The following HMGXB3 variants were observed in gnomAD, a reference collection of about 807,000 sequenced individuals.
The protein encoded by HMGXB3 is HMG-box containing 3.
HMGXB3 carries 45 observed loss-of-function variants against 121.5 expected under a neutral mutation model. The observed-to-expected ratio is 0.37, with a 90% confidence interval of 0.29 to 0.47. The LOEUF (loss-of-function observed/expected upper bound fraction) is 0.47, where lower values mean the gene tolerates loss of function less well. HMGXB3 is among the 20% of genes least tolerant of loss of function. The pLI is 0.99. For missense variants in HMGXB3, 1,376 were observed against 1,602.2 expected, an observed-to-expected ratio of 0.86 and a Z score of 2.41; for synonymous variants, 590 against 624.1, an observed-to-expected ratio of 0.95 and a Z score of 0.81.
chr5:150,035,324 C>A (rs1332470732), intron 11 of HMGXB3, among the ~76,000 whole-genome samples: 1 of 152,100 alleles, frequency 6.6e-6, no homozygotes, highest in African/African-American at 2.4e-5. Context: ...GCATAGAGAT[C>A]ACATACAGAA....
At chr5:150,015,579 G>A (rs756156210) in intron 5 of HMGXB3, among the ~76,000 whole-genome samples, 16 of 152,146 alleles carry the variant, frequency 1.1e-4, no homozygotes, top group Admixed American at 3.3e-4. Flanking sequence ...GTGAGCCACC[G>A]TGCCCAGCTC....
intron 5 of HMGXB3, among the ~76,000 whole-genome samples, chr5:150,017,923 A>G (rs1446621893): frequency 6.6e-6 from 1 of 152,232 alleles, no homozygotes; most frequent in Non-Finnish European, 1.5e-5. Context: ...CAGTGGCTAT[A>G]TATATTAATA....
At position 150,004,912 on chromosome 5, in the gene HMGXB3, C is replaced by T; in HGVS notation, c.60C>T (p.Ala20=). The T allele has an allele frequency of 6.4e-7, 1 of 1,551,674 alleles. No individual in the cohort carries two copies. The highest frequency in any genetic ancestry group is 1.4e-5 in the African/African-American group (1 of 73,130). Residue 20 remains alanine, a synonymous_variant, in exon 2 of 20, where the codon GCC becomes GCT. Transcript: ENST00000502717. Reference sequence around the variant, plus strand: ...TCGTGATGGAGGAAATTGAGGAAGCCTATTGTTACACCTCTCCTGGGCCAC... The same window carrying T: ...TCGTGATGGAGGAAATTGAGGAAGCTTATTGTTACACCTCTCCTGGGCCAC... ...VTVVMEEIEE[A]YCYTSPGPPK...
chr5:150,041,816 G>A lies in HMGXB3; in HGVS notation c.2577G>A (p.Gln859=), dbSNP rs1377777736. ...EKTLTSEELS[Q]LQELLCNGYW... ...CTCTGACCTCGGAGGAGCTGAGCCA[G>A]CTGCAGGAGCTGCTGTGCAATGGCT... is the stretch of plus-strand genomic sequence containing the variant. The change falls in exon 15 of 20, where the codon CAG becomes CAA. Residue 859 remains glutamine, a synonymous_variant. Coordinates refer to ENST00000502717, the MANE Select transcript of HMGXB3 (RefSeq NM_014983.3). 2 of 1,551,490 alleles carry A rather than the reference G, an allele frequency of 1.3e-6. No individual in the cohort carries two copies. Among genetic ancestry groups the A allele is most frequent in the Non-Finnish European group, 1.7e-6 (2 of 1,146,910 alleles).
At chr5:150,008,835 A>G (rs1339636589) in intron 3 of HMGXB3, among the ~76,000 whole-genome samples, 1 of 152,194 alleles carries the variant, frequency 6.6e-6, no homozygotes, top group African/African-American at 2.4e-5. Context: ...TGAGAATGCC[A>G]TTTCCCCATT....
Position 150,047,762 on chromosome 5 carries a change from G to A in HMGXB3, c.3084+5G>A. 2 of 1,551,776 alleles carry A rather than the reference G, an allele frequency of 1.3e-6. No homozygotes were observed. Among genetic ancestry groups the A allele is most frequent in the African/African-American group, 2.7e-5 (2 of 73,194 alleles). On this transcript the variant is annotated splice_donor_5th_base_variant and intron_variant, in intron 17 of 19. Coordinates refer to ENST00000502717, the MANE Select transcript of HMGXB3 (RefSeq NM_014983.3). ...TTTGGGGCAGAAGACTCCAAGGTGA[G>A]TGTCAAGGGCAGTGGTGGATATCGG...
At chr5:150,008,554 C>T (rs1465986721) in intron 3 of HMGXB3, among the ~76,000 whole-genome samples, 1 of 152,220 alleles carries the variant, frequency 6.6e-6, no homozygotes, top group East Asian at 1.9e-4. Context: ...TGTTTGACCT[C>T]TCCCAGACTG....
At chr5:150,049,111 G>A (rs1331154567) in intron 18 of HMGXB3, among the ~76,000 whole-genome samples, 1 of 152,186 alleles carries the variant, frequency 6.6e-6, no homozygotes, top group Admixed American at 6.5e-5. Flanking sequence ...GGATAGGGAG[G>A]AGCCCATTGG....
intron 6 of HMGXB3, among the ~76,000 whole-genome samples, chr5:150,022,986 A>AT (rs56092645): frequency 2.0e-3 from 204 of 100,862 alleles, no homozygotes; most frequent in South Asian, 4.9e-3. Context: ...TGCCTGGCTA[A>AT]TTTTTTTTTT....
At chr5:150,006,908 T>C (rs188855225) in intron 3 of HMGXB3, among the ~76,000 whole-genome samples, 1 of 152,356 alleles carries the variant, frequency 6.6e-6, no homozygotes, top group East Asian at 1.9e-4. Flanking sequence ...AATTTTAGTG[T>C]AACTTGGAGC....
At chr5:150,046,491 C>T (rs983006637) in intron 16 of HMGXB3, among the ~76,000 whole-genome samples, 1 of 152,114 alleles carries the variant, frequency 6.6e-6, no homozygotes, top group Non-Finnish European at 1.5e-5. Flanking sequence ...TGTTGTGATC[C>T]ACTGGTTCTC....
intron 4 of HMGXB3, among the ~76,000 whole-genome samples, chr5:150,011,040 G>A (rs1404050600): frequency 6.6e-6 from 1 of 152,118 alleles, no homozygotes; most frequent in Non-Finnish European, 1.5e-5. Context: ...CAGTCCTCCT[G>A]CCTCAGCCTC....
In HMGXB3 at chr5:150,051,971, A is replaced by G. The variant is rs1368251312; in HGVS notation, c.3658A>G (p.Ile1220Val). 7.1e-6 allele frequency: 11 copies of G among 1,552,166 alleles called. No homozygotes were observed. The East Asian group carries it at 2.2e-4, about 31-fold the overall frequency. ...ACCAAACGGTGTCCGCCAGCGGCCCATTGCCTTCGACAATGCCACTCACTA... is the reference window on the plus strand; with the variant it reads ...ACCAAACGGTGTCCGCCAGCGGCCCGTTGCCTTCGACAATGCCACTCACTA... ...SKPNGVRQRPIAFDNATHYYL... is the reference protein window; with the variant it reads ...SKPNGVRQRPVAFDNATHYYL... The change falls in exon 20 of 20, where the codon ATT (isoleucine) becomes GTT (valine). Residue 1220 changes from isoleucine to valine, a missense_variant. Around this residue, in one of 2 missense-constraint regions of HMGXB3, gnomAD observed 260 missense variants for 233.2 expected, o/e 1.11. Transcript: ENST00000502717.
At chr5:150,018,045 C>T (rs190819844) in intron 5 of HMGXB3, among the ~76,000 whole-genome samples, 5 of 152,154 alleles carry the variant, frequency 3.3e-5, no homozygotes, top group Admixed American at 2.0e-4. Flanking sequence ...AATCCCAGGT[C>T]CTTGGTTGTC....
chr5:150,021,760 C>T (rs547582618), intron 6 of HMGXB3: 10 of 508,188 alleles, frequency 2.0e-5, no homozygotes, highest in Admixed American at 5.9e-5. Context: ...GGTAGGCATT[C>T]GAACTGATCC....
At chr5:150,032,715 C>A in intron 11 of HMGXB3, 112 bp downstream of exon 11, 1 of 1,248,120 alleles carries the variant, frequency 8.0e-7, no homozygotes, top group Non-Finnish European at 1.1e-6. Context: ...TTAGAGCATC[C>A]AAACTGAACC....
At position 150,051,722 on chromosome 5, in the gene HMGXB3, T is replaced by C; in HGVS notation, c.3412-3T>C. The C allele has an allele frequency of 1.3e-6, 2 of 1,515,532 alleles. No homozygotes were observed. Among genetic ancestry groups the C allele is most frequent in the Non-Finnish European group, 1.8e-6 (2 of 1,130,206 alleles). The allele number at this position is 1,515,532 out of a possible 1,614,324, so 93.9% of individuals were successfully genotyped here. ...TCAAAATGCATTCTCATTTCTCTTC[T>C]AGAGTGTGTCCTGCCCAGAGCTCTT... On this transcript the variant is annotated splice_polypyrimidine_tract_variant and splice_region_variant and intron_variant, in intron 19 of 19. Coordinates refer to ENST00000502717, the MANE Select transcript of HMGXB3 (RefSeq NM_014983.3).
chr5:150,048,947 G>T (rs930868740), intron 18 of HMGXB3, among the ~76,000 whole-genome samples: 6 of 152,220 alleles, frequency 3.9e-5, no homozygotes, highest in Non-Finnish European at 8.8e-5. Flanking sequence ...TGACAAAGAT[G>T]TCGTTCCTCC....
At chr5:150,043,476 G>A (rs1431212918) in intron 15 of HMGXB3, among the ~76,000 whole-genome samples, 1 of 152,194 alleles carries the variant, frequency 6.6e-6, no homozygotes, top group African/African-American at 2.4e-5. Flanking sequence ...AGAACCTGTA[G>A]AGAACAGCTT....
Sources: allele counts gnomAD v4.1 joint callset (sites outside exome capture counted in the v4.1 genomes callset), GRCh38; gene constraint gnomAD v4.1.1; regional missense constraint gnomAD v4.1.1; transcripts MANE v1.5; gene names NCBI Gene and HGNC (gene_info 2026-07-23, HGNC 2026-07-21).